Variants in ZNF280D observed in about 807,000 individuals in gnomAD.
ZNF280D encodes the protein zinc finger protein 280D.
A neutral mutation model predicts 94.7 loss-of-function variants in ZNF280D; 39 were observed. The observed-to-expected ratio is 0.41, with a 90% confidence interval of 0.32 to 0.54. The LOEUF is 0.54. ZNF280D is among the 20% of genes least tolerant of loss of function. ZNF280D has a pLI of 0.22. For synonymous variants in ZNF280D, 398 were observed against 377.6 expected (o/e 1.05, Z -0.63); for missense variants, 1,090 against 1,149.3 (o/e 0.95, Z 0.75).
At position 56,701,428 on chromosome 15, in the gene ZNF280D, A is replaced by T. The variant is rs576517313; in HGVS notation, c.176-190T>A. Among the ~76,000 whole-genome samples the T allele has an allele frequency of 2.2e-4, 33 of 152,246 alleles. 1 individual carries two copies. The East Asian group carries it at 4.6e-3, about 21-fold the overall frequency. On this transcript the variant is annotated intron_variant, in intron 4 of 21. Coordinates refer to ENST00000267807, the MANE Select transcript of ZNF280D (RefSeq NM_017661.4). The stretch of plus-strand genomic sequence containing the variant: ...ACTAAAGAAACAAAAGAAACAAGAT[A>T]ACTAGGTTTTGTTTTACAGACTAAG...
At chr15:56,699,758 C>G (rs1421620522) in intron 6 of ZNF280D, 2 of 173,210 alleles carry the variant, frequency 1.2e-5, no homozygotes, top group Non-Finnish European at 2.3e-5. Context: ...CACAGAGGTA[C>G]TTTATGCACA....
chr15:56,669,529 C>G (rs945592875), intron 13 of ZNF280D, among the ~76,000 whole-genome samples: 3 of 151,614 alleles, frequency 2.0e-5, no homozygotes, highest in Non-Finnish European at 4.4e-5. Flanking sequence ...TATTGAGCAC[C>G]TGAAATGTGG....
At chr15:56,728,685 C>G (rs2058744690) in intron 1 of ZNF280D, among the ~76,000 whole-genome samples, 1 of 152,172 alleles carries the variant, frequency 6.6e-6, no homozygotes, top group South Asian at 2.1e-4. Flanking sequence ...TTGCTAAGTA[C>G]AGACAGTCTC....
Position 56,666,455 on chromosome 15 carries a change from T to C in ZNF280D, c.1934A>G (p.His645Arg). The C allele has an allele frequency of 1.9e-6, 3 of 1,602,138 alleles. No individual in the cohort carries two copies. The highest frequency in any genetic ancestry group is 2.5e-6 in the Non-Finnish European group (3 of 1,176,832). The change falls in exon 16 of 22, where the codon CAC (histidine) becomes CGC (arginine). Residue 645 changes from histidine (H) to arginine (R), a missense_variant. Around this residue, in one of 3 missense-constraint regions of ZNF280D, gnomAD observed 577 missense variants for 568.8 expected, o/e 1.01. Coordinates refer to ENST00000267807, the MANE Select transcript of ZNF280D (RefSeq NM_017661.4). ...DFANHFPTYV[H>R]CSFCRYNTSC... is the part of the protein sequence containing the mutation. ...AGTGTTGTATCTGCAAAAACTACAG[T>C]GGACGTACGTAGGAAAGTGGTTTGC... is the stretch of plus-strand genomic sequence containing the variant.
chr15:56,663,760 T>C (rs1364695008), intron 16 of ZNF280D, among the ~76,000 whole-genome samples: 1 of 152,116 alleles, frequency 6.6e-6, no homozygotes, highest in East Asian at 1.9e-4. Context: ...TAAATGTAGC[T>C]GGGCATGGTG....
chr15:56,645,865 C>T (rs1246586342), intron 19 of ZNF280D, among the ~76,000 whole-genome samples: 1 of 152,062 alleles, frequency 6.6e-6, no homozygotes, highest in Non-Finnish European at 1.5e-5. Context: ...CAAAATTTAA[C>T]ATTCTGGCTC....
intron 3 of ZNF280D, among the ~76,000 whole-genome samples, chr15:56,705,762 T>C (rs1567013637): frequency 6.6e-6 from 1 of 151,780 alleles, no homozygotes; most frequent in Non-Finnish European, 1.5e-5. Context: ...GATCTCAAAC[T>C]GCTATTTTTT....
chr15:56,712,020 G>A (rs1343648755), intron 1 of ZNF280D, among the ~76,000 whole-genome samples: 2 of 152,128 alleles, frequency 1.3e-5, no homozygotes, highest in South Asian at 2.1e-4. Flanking sequence ...CAGGACCACC[G>A]TATTATATAA....
At chr15:56,720,564 T>C (rs1376190359) in intron 1 of ZNF280D, among the ~76,000 whole-genome samples, 1 of 152,054 alleles carries the variant, frequency 6.6e-6, no homozygotes, top group Non-Finnish European at 1.5e-5. Context: ...TTCCAGAAGG[T>C]TTTCAATTCA....
chr15:56,672,617 A>G (rs767570692), intron 13 of ZNF280D, among the ~76,000 whole-genome samples: 12 of 152,006 alleles, frequency 7.9e-5, no homozygotes, highest in Non-Finnish European at 1.5e-4. Context: ...GAGGTTCATC[A>G]AGGATATTGG....
chr15:56,673,460 G>A (rs540983407), intron 13 of ZNF280D, among the ~76,000 whole-genome samples: 1 of 151,988 alleles, frequency 6.6e-6, no homozygotes, highest in Non-Finnish European at 1.5e-5. Context: ...TCATTACCTC[G>A]TTCAACGATT....
At chr15:56,710,839 T>G (rs539905526) in intron 1 of ZNF280D, among the ~76,000 whole-genome samples, 1 of 152,258 alleles carries the variant, frequency 6.6e-6, no homozygotes, top group Non-Finnish European at 1.5e-5. Context: ...ATATACTAGA[T>G]ATAGTCCTCT....
At chr15:56,638,207 T>C (rs1291043393) in intron 20 of ZNF280D, among the ~76,000 whole-genome samples, 1 of 152,224 alleles carries the variant, frequency 6.6e-6, no homozygotes, top group East Asian at 1.9e-4. Flanking sequence ...TAATATTTAC[T>C]GTGAGTGCTT....
In ZNF280D at chr15:56,700,961, G is replaced by C. The variant is rs776860285; in HGVS notation, c.353C>G (p.Ser118Cys). Reference protein sequence around the residue: ...FHPESRSSDSSVIVQPFSKPG... With the variant: ...FHPESRSSDSCVIVQPFSKPG... ...TTTAGAAAAAGGCTGAACAATAACA[G>C]AACTATCTGAAGATCTAGACTCAGG... Residue 118 changes from serine (S) to cysteine (C), a missense_variant, in exon 6 of 22, where the codon TCT (serine) becomes TGT (cysteine). Physicochemically the swap from Ser to Cys is moderately radical, Grantham distance 112. This residue lies in a region of ZNF280D where 386 missense variants were observed against 372.0 expected (regional missense o/e 1.04). Transcript: ENST00000267807. 2.5e-6 allele frequency: 4 copies of C among 1,613,748 alleles called. No individual in the cohort carries two copies. Among genetic ancestry groups the C allele is most frequent in the Non-Finnish European group, 2.5e-6 (3 of 1,179,842 alleles).
At chr15:56,672,114 G>T (rs2054906684) in intron 13 of ZNF280D, among the ~76,000 whole-genome samples, 1 of 152,104 alleles carries the variant, frequency 6.6e-6, no homozygotes, top group Non-Finnish European at 1.5e-5. Context: ...ATAGGATCAT[G>T]TCATCAGCAA....
At chr15:56,673,769 T>C (rs2055024167) in intron 13 of ZNF280D, among the ~76,000 whole-genome samples, 2 of 152,014 alleles carry the variant, frequency 1.3e-5, no homozygotes, top group South Asian at 4.1e-4. Context: ...TCTTTGAGCA[T>C]CCCAGGTATA....
At chr15:56,669,004 T>A (rs755423758) in intron 13 of ZNF280D, 47 bp from the exon 14 acceptor site, 4 of 1,563,224 alleles carry the variant, frequency 2.6e-6, no homozygotes, top group Non-Finnish European at 3.5e-6. Flanking sequence ...TTTCAAAAAC[T>A]ACAAATCCTG....
chr15:56,679,560 A>G (rs2140984937), intron 10 of ZNF280D, among the ~76,000 whole-genome samples: 1 of 152,332 alleles, frequency 6.6e-6, no homozygotes, highest in African/African-American at 2.4e-5. Context: ...ATGAGCAGGA[A>G]TTATGACCTT....
At chr15:56,681,403 G>C (rs2055609371) in intron 10 of ZNF280D, among the ~76,000 whole-genome samples, 1 of 152,100 alleles carries the variant, frequency 6.6e-6, no homozygotes, top group African/African-American at 2.4e-5. Flanking sequence ...GTTCTAAGAA[G>C]GATGAAGAGA....
Sources: gnomAD v4.1 joint callset for allele counts (sites outside exome capture counted in the v4.1 genomes callset) on GRCh38, gnomAD v4.1.1 for gene constraint, gnomAD v4.1.1 regional missense constraint, MANE v1.5 for transcripts, NCBI Gene and HGNC (gene_info 2026-07-23, HGNC 2026-07-21) for gene names.